Variants in CSF1R observed in about 807,000 individuals in gnomAD.
The protein encoded by CSF1R is macrophage colony-stimulating factor 1 receptor.
A neutral mutation model predicts 110.0 loss-of-function variants in CSF1R; 40 were observed. That is an observed-to-expected ratio of 0.36 (90% CI 0.28 to 0.47). The LOEUF (loss-of-function observed/expected upper bound fraction) is 0.47, where lower values mean the gene tolerates loss of function less well. Among genes scored for constraint, CSF1R ranks in the 20% least tolerant of loss-of-function variants. CSF1R has a pLI of 0.99. For missense variants in CSF1R, 1,052 were observed against 1,253.0 expected (o/e 0.84, Z 2.42); for synonymous variants, 523 against 503.4 (o/e 1.04, Z -0.52).
At chr5:150,096,481 A>G (rs1035949071) in intron 1 of CSF1R, among the ~76,000 whole-genome samples, 2 of 152,268 alleles carry the variant, frequency 1.3e-5, no homozygotes, top group African/African-American at 4.8e-5. Flanking sequence ...AATTCATTGT[A>G]TGATACCAGC....
At chr5:150,079,569 T>C (rs1046518968) in intron 3 of CSF1R, among the ~76,000 whole-genome samples, 1 of 152,118 alleles carries the variant, frequency 6.6e-6, no homozygotes, top group African/African-American at 2.4e-5. Context: ...AGGCCCCCAG[T>C]GGGAAATCCA....
intron 1 of CSF1R, among the ~76,000 whole-genome samples, chr5:150,110,019 C>T (rs1759671064): frequency 6.6e-6 from 1 of 151,950 alleles, no homozygotes; most frequent in Non-Finnish European, 1.5e-5. Context: ...TCTTCGCCCC[C>T]TTGCTTCTGG....
At chr5:150,100,083 C>T (rs927657360) in intron 1 of CSF1R, among the ~76,000 whole-genome samples, 13 of 152,132 alleles carry the variant, frequency 8.5e-5, no homozygotes, top group Middle Eastern at 3.4e-3. Flanking sequence ...CACTGTGGGA[C>T]GCACCCGTGC....
chr5:150,054,760 G>T, intron 19 of CSF1R: 1 of 289,114 alleles, frequency 3.5e-6, no homozygotes, highest in South Asian at 6.7e-5. Flanking sequence ...GTTGATGCAG[G>T]AGGATTGCAT....
intron 1 of CSF1R, among the ~76,000 whole-genome samples, chr5:150,092,550 T>C (rs1759079481): frequency 6.6e-6 from 1 of 152,216 alleles, no homozygotes; most frequent in African/African-American, 2.4e-5. Flanking sequence ...TCAGCATGGC[T>C]GAGGAGGCCT....
chr5:150,098,171 A>G (rs1310951862), intron 1 of CSF1R, among the ~76,000 whole-genome samples: 1 of 152,202 alleles, frequency 6.6e-6, no homozygotes, highest in Non-Finnish European at 1.5e-5. Context: ...TACTGGAACA[A>G]CTGGCTATCC....
At chr5:150,066,509 G>T (rs1757781410) in intron 10 of CSF1R, among the ~76,000 whole-genome samples, 1 of 152,182 alleles carries the variant, frequency 6.6e-6, no homozygotes, top group South Asian at 2.1e-4. Context: ...TATAAGAGGG[G>T]AAACTAAGGC....
Position 150,078,118 on chromosome 5 carries a change from G to A in CSF1R, c.723C>T (p.Asn241=), listed in dbSNP as rs537362433. ...GTGATCTGCAGGGACTGACCTTGGT[G>A]TTGTTGTGTTGGAGGAAGACATCAA... ...VNFDVFLQHN[N]TKLAIPQQSD... is the part of the protein sequence containing the mutation. The change falls in exon 4 of 21, where the codon AAC becomes AAT. Residue 241 remains asparagine, a synonymous_variant. Transcript: ENST00000675795. The A allele has an allele frequency of 5.0e-6, 8 of 1,614,066 alleles. No homozygotes were observed. Among genetic ancestry groups the A allele is most frequent in the South Asian group, 4.4e-5 (4 of 91,068 alleles).
At chr5:150,106,144 G>A (rs990359262) in intron 1 of CSF1R, among the ~76,000 whole-genome samples, 2 of 152,228 alleles carry the variant, frequency 1.3e-5, no homozygotes, top group Admixed American at 6.5e-5. Context: ...GAAGTGCCAT[G>A]GGACTCAGTG....
intron 1 of CSF1R, among the ~76,000 whole-genome samples, chr5:150,082,308 T>A (rs1426635304): frequency 6.6e-6 from 1 of 152,214 alleles, no homozygotes; most frequent in East Asian, 1.9e-4. Flanking sequence ...GAAATGGAAA[T>A]TCCCCCTGCC....
At chr5:150,056,493 T>TC in intron 16 of CSF1R, 152 bp from the exon 17 acceptor site, 2 of 900,840 alleles carry the variant, frequency 2.2e-6, no homozygotes, top group South Asian at 3.3e-5. Context: ...GTCTATACCT[T>TC]CTACCAGGGC....
intron 6 of CSF1R, among the ~76,000 whole-genome samples, chr5:150,073,043 A>C (rs1042306650): frequency 6.6e-6 from 1 of 152,190 alleles, no homozygotes; most frequent in Non-Finnish European, 1.5e-5. Flanking sequence ...ACTCCCAAGA[A>C]ATGGTAGAAT....
In CSF1R at chr5:150,054,419, A is replaced by G; in HGVS notation, c.2666T>C (p.Met889Thr). The change falls in exon 20 of 21, where the codon ATG becomes ACG. Residue 889 changes from methionine to threonine, a missense_variant. Coordinates refer to ENST00000675795, the MANE Select transcript of CSF1R (RefSeq NM_001288705.3). Reference sequence around the variant, plus strand: ...GGGCTCCAAGGCCCAGCAGGCCTGCATGATGCTGTATCTGGGAGATAGGAC... The same window carrying G: ...GGGCTCCAAGGCCCAGCAGGCCTGCGTGATGCTGTATCTGGGAGATAGGAC... ...AFAPKNIYSI[M>T]QACWALEPTH... is the part of the protein sequence containing the mutation. 1 of 1,612,512 alleles carries G rather than the reference A, an allele frequency of 6.2e-7. No homozygotes were observed. The highest frequency in any genetic ancestry group is 8.5e-7 in the Non-Finnish European group (1 of 1,179,194).
At position 150,086,355 on chromosome 5, in the gene CSF1R, C is replaced by T. The variant is rs751288100; in HGVS notation, c.49+24G>A. ...TTCTCCATCACACCCCAACAAAGTC[C>T]CCCACCCCCCGTTCTGCTCTTACCA... On this transcript the variant is annotated intron_variant, in intron 1 of 20. Transcript: ENST00000675795. 6 of 1,589,542 alleles carry T rather than the reference C, an allele frequency of 3.8e-6. No homozygotes were observed. The Admixed American group carries it at 5.2e-5, about 14-fold the overall frequency.
rs373755515 is a variant in CSF1R, at chr5:150,059,168, C to T, written c.2132+532G>A. On this transcript the variant is annotated intron_variant, in intron 14 of 20. Coordinates refer to ENST00000675795, the MANE Select transcript of CSF1R (RefSeq NM_001288705.3). ...CAAGCAATTCTCCCGCCTCAGCCTCCCGAGTAGCTGGGATTATAGGCATGC... is the reference window on the plus strand; with the variant it reads ...CAAGCAATTCTCCCGCCTCAGCCTCTCGAGTAGCTGGGATTATAGGCATGC... Among the ~76,000 whole-genome samples the T allele has an allele frequency of 3.5e-4, 53 of 152,340 alleles. 1 individual carries two copies. The East Asian group carries it at 4.8e-3, about 14-fold the overall frequency.
intron 1 of CSF1R, among the ~76,000 whole-genome samples, chr5:150,084,382 AGAAAGAAAGAAGGAAGGAAGGAAG>A (rs1162968607): frequency 1.3e-3 from 65 of 49,166 alleles, no homozygotes; most frequent in Admixed American, 3.0e-3. Flanking sequence ...AAAGAAAGAA[AGAAAGAAAGAAGGAAGGAAGGAAG>A]GAAGGAAGGA....
intron 6 of CSF1R, among the ~76,000 whole-genome samples, chr5:150,072,733 T>C (rs1758080218): frequency 6.6e-6 from 1 of 151,406 alleles, no homozygotes; most frequent in African/African-American, 2.4e-5. Context: ...AGAAGAGGGG[T>C]GTGGAGTTAT....
intron 1 of CSF1R, among the ~76,000 whole-genome samples, chr5:150,085,235 C>T (rs926248775): frequency 1.1e-4 from 15 of 142,102 alleles, no homozygotes; most frequent in African/African-American, 4.0e-4. Flanking sequence ...GAGATTGTGC[C>T]ACTGTACTCC....
At chr5:150,100,712 A>T (rs1378221642) in intron 1 of CSF1R, among the ~76,000 whole-genome samples, 1 of 152,140 alleles carries the variant, frequency 6.6e-6, no homozygotes, top group African/African-American at 2.4e-5. Context: ...ACCATCCAAC[A>T]AATTCTACTC....
Sources: allele counts gnomAD v4.1 joint callset (sites outside exome capture counted in the v4.1 genomes callset), GRCh38; gene constraint gnomAD v4.1.1; transcripts MANE v1.5; gene names NCBI Gene and HGNC (gene_info 2026-07-23, HGNC 2026-07-21).